Variants in TEKT3 observed in about 807,000 individuals in gnomAD.
TEKT3 encodes the protein tektin 3, also known as tektin-3.
Under a neutral mutation model 49.8 loss-of-function variants are expected in TEKT3, and 49 were observed. That is an observed-to-expected ratio of 0.98 (90% CI 0.78 to 1.25). The LOEUF (loss-of-function observed/expected upper bound fraction) is 1.25, where lower values mean the gene tolerates loss of function less well. Ranked by LOEUF, TEKT3 falls within the 50% of genes most tolerant of loss-of-function variation. The probability of loss-of-function intolerance (pLI) is 0.00; values close to 1 mark genes in which losing one functional copy is unlikely to be tolerated. For missense variants in TEKT3, 595 were observed against 629.5 expected (o/e 0.95, Z 0.59); for synonymous variants, 225 against 237.2 (o/e 0.95, Z 0.47).
chr17:15,320,268 T>C (rs147722891), intron 4 of TEKT3, among the ~76,000 whole-genome samples: 91 of 152,340 alleles, frequency 6.0e-4, no homozygotes, highest in African/African-American at 2.2e-3. Context: ...TTGCCTTTTT[T>C]GCTTGTGTCA....
In TEKT3 at chr17:15,331,181, T is replaced by G; in HGVS notation, c.405A>C (p.Thr135=). 1 of 1,614,200 alleles carries G rather than the reference T, an allele frequency of 6.2e-7. No homozygotes were observed. Among genetic ancestry groups the G allele is most frequent in the South Asian group, 1.1e-5 (1 of 91,078 alleles). ...SRLIQDKYQQ[T]RKTQADTTQN... ...GGGTTGTGTCTGCCTGAGTTTTTCT[T>G]GTTTGTTGATATTTGTCTTGAATCA... Residue 135 remains threonine, a synonymous_variant, in exon 3 of 9, where the codon ACA becomes ACC. Coordinates refer to ENST00000395930, the MANE Select transcript of TEKT3 (RefSeq NM_031898.3).
intron 8 of TEKT3, among the ~76,000 whole-genome samples, chr17:15,305,726 T>C (rs1910515037): frequency 6.7e-6 from 1 of 150,170 alleles, no homozygotes; most frequent in Non-Finnish European, 1.5e-5. Context: ...CAAATACGAG[T>C]CTAGTGGAAA....
intron 8 of TEKT3, chr17:15,306,970 A>G (rs113596671): frequency 6.6e-6 from 1 of 152,136 alleles, no homozygotes; most frequent in African/African-American, 2.4e-5. Context: ...GGTTCTATGG[A>G]ACCCACTTTG....
At chr17:15,333,722 G>GTTTAT (rs58481435) in intron 2 of TEKT3, among the ~76,000 whole-genome samples, 9,928 of 144,210 alleles carry the variant, frequency 0.069, 424 homozygotes, top group Middle Eastern at 0.086. Context: ...CTTGGCTTTG[G>GTTTAT]TTTATTTTAT....
At chr17:15,309,794 G>A (rs1910696253) in intron 7 of TEKT3, among the ~76,000 whole-genome samples, 2 of 152,058 alleles carry the variant, frequency 1.3e-5, no homozygotes. Flanking sequence ...CTGCTGTCAT[G>A]AAACTTCAGT....
At position 15,331,011 on chromosome 17, in the gene TEKT3, A is replaced by G. The variant is rs759917678; in HGVS notation, c.575T>C (p.Leu192Pro). 7 of 1,607,664 alleles carry G rather than the reference A, an allele frequency of 4.4e-6. No individual in the cohort carries two copies. The highest frequency in any genetic ancestry group is 5.9e-6 in the Non-Finnish European group (7 of 1,176,974). The change falls in exon 3 of 9, where the codon CTT (leucine) becomes CCT (proline). Residue 192 changes from leucine (L) to proline (P), a missense_variant. Coordinates refer to ENST00000395930, the MANE Select transcript of TEKT3 (RefSeq NM_031898.3). The part of the protein sequence containing the change: ...ERALMETEAP[L>P]QVARECLFHR... The stretch of plus-strand genomic sequence containing the variant: ...TGTTCTATCATAAGGTCTTACCTGA[A>G]GAGGGGCTTCAGTCTCCATCAAAGC...
intron 5 of TEKT3, among the ~76,000 whole-genome samples, chr17:15,317,805 C>T (rs950601761): frequency 1.3e-5 from 2 of 151,876 alleles, no homozygotes; most frequent in Admixed American, 6.6e-5. Context: ...CCCCTCCTAA[C>T]TCCTCATCCC....
chr17:15,343,363 C>G (rs1361749249), upstream of TEKT3, among the ~76,000 whole-genome samples: 1 of 151,996 alleles, frequency 6.6e-6, no homozygotes, highest in African/African-American at 2.4e-5. Context: ...ATTTAGATAC[C>G]CTCTCAAAAA....
Position 15,337,501 on chromosome 17 carries a change from G to A in TEKT3, c.-30+2527C>T, listed in dbSNP as rs557997329. Among the ~76,000 whole-genome samples the A allele has an allele frequency of 2.0e-5, 3 of 152,280 alleles. No homozygotes were observed. In the East Asian group the frequency reaches 5.8e-4, roughly 29 times the overall value. ...TTTAAATAGCAATATTGAACTATAA[G>A]CTGTCCAGGAAAAATCTCACTTTAA... On this transcript the variant is annotated intron_variant, in intron 2 of 8. Coordinates refer to ENST00000395930, the MANE Select transcript of TEKT3 (RefSeq NM_031898.3).
intron 8 of TEKT3, chr17:15,306,932 C>T (rs1001779936): frequency 6.6e-6 from 1 of 152,144 alleles, no homozygotes; most frequent in African/African-American, 2.4e-5. Context: ...AGCTGCTTAT[C>T]CTAAATAATG....
intron 7 of TEKT3, 93 bp from the exon 8 acceptor site, chr17:15,308,911 C>T (rs778320302): frequency 3.1e-5 from 45 of 1,473,794 alleles, no homozygotes; most frequent in Non-Finnish European, 3.8e-5. Context: ...ATGTCCAGCA[C>T]GTGCCTTGAC....
At chr17:15,337,815 T>C (rs1217565970) in intron 2 of TEKT3, among the ~76,000 whole-genome samples, 1 of 152,192 alleles carries the variant, frequency 6.6e-6, no homozygotes, top group Non-Finnish European at 1.5e-5. Flanking sequence ...CACTCCAGCC[T>C]GGGCGACAGA....
At chr17:15,330,130 G>A (rs1450850878) in intron 3 of TEKT3, among the ~76,000 whole-genome samples, 1 of 152,132 alleles carries the variant, frequency 6.6e-6, no homozygotes, top group African/African-American at 2.4e-5. Flanking sequence ...CATGCCCTAA[G>A]ATGGTCTCAT....
At chr17:15,323,500 A>G (rs767996755) in intron 4 of TEKT3, among the ~76,000 whole-genome samples, 3 of 152,188 alleles carry the variant, frequency 2.0e-5, no homozygotes, top group African/African-American at 4.8e-5. Context: ...TGCCTCCCCA[A>G]CAGAAGCCAT....
chr17:15,341,019 A>C (rs1912206038), intron 1 of TEKT3, among the ~76,000 whole-genome samples: 1 of 152,302 alleles, frequency 6.6e-6, no homozygotes, highest in South Asian at 2.1e-4. Context: ...CTAAACAGAA[A>C]CGACTTTGGG....
At chr17:15,309,121 G>A (rs1910664231) in intron 7 of TEKT3, among the ~76,000 whole-genome samples, 1 of 152,120 alleles carries the variant, frequency 6.6e-6, no homozygotes, top group Non-Finnish European at 1.5e-5. Context: ...ACAGAAATTG[G>A]CAAATGCTCC....
intron 2 of TEKT3, among the ~76,000 whole-genome samples, chr17:15,333,763 T>C (rs1020736362): frequency 1.7e-4 from 26 of 151,014 alleles, no homozygotes; most frequent in African/African-American, 6.3e-4. Context: ...TTTATTTTAT[T>C]TTATTTTTAT....
chr17:15,326,585 G>C (rs151306193), intron 4 of TEKT3, among the ~76,000 whole-genome samples: 1 of 152,084 alleles, frequency 6.6e-6, no homozygotes, highest in Non-Finnish European at 1.5e-5. Flanking sequence ...GGGAGACAAC[G>C]GGCAGCAAGC....
intron 4 of TEKT3, among the ~76,000 whole-genome samples, chr17:15,321,298 C>T (rs1274249987): frequency 6.6e-6 from 1 of 152,072 alleles, no homozygotes; most frequent in East Asian, 1.9e-4. Flanking sequence ...CGTGAGCCAC[C>T]ATGCCCGGCC....
Sources: gnomAD v4.1 joint callset for allele counts (sites outside exome capture counted in the v4.1 genomes callset) on GRCh38, gnomAD v4.1.1 for gene constraint, MANE v1.5 for transcripts, NCBI Gene and HGNC (gene_info 2026-07-23, HGNC 2026-07-21) for gene names.